The following ADAMTSL1 variants were observed in gnomAD, a reference collection of about 807,000 sequenced individuals.
ADAMTSL1 encodes ADAMTS-like protein 1.
Under a neutral mutation model 201.8 loss-of-function variants are expected in ADAMTSL1, and 126 were observed. The ratio of observed to expected loss-of-function variants is 0.62; its 90% CI spans 0.54 to 0.72. The LOEUF is 0.72. Among genes scored for constraint, ADAMTSL1 ranks in the 30% least tolerant of loss-of-function variants. The pLI, the probability that ADAMTSL1 is intolerant of heterozygous loss-of-function variation, is 0.00. For missense variants in ADAMTSL1, 2,679 were observed against 2,277.8 expected, an observed-to-expected ratio of 1.18 and a Z score of -3.59; for synonymous variants, 1,121 against 903.4, an observed-to-expected ratio of 1.24 and a Z score of -4.32.
chr9:18,008,604 C>T (rs1232833768), intron 1 of ADAMTSL1, among the ~76,000 whole-genome samples: 3 of 151,944 alleles, frequency 2.0e-5, no homozygotes, highest in Admixed American at 2.0e-4. Flanking sequence ...TCATTACAGT[C>T]TACACAGGGA....
At chr9:18,523,212 T>G (rs964310649) in intron 2 of ADAMTSL1, among the ~76,000 whole-genome samples, 2 of 152,272 alleles carry the variant, frequency 1.3e-5, no homozygotes, top group African/African-American at 2.4e-5. Context: ...CATTTTTTCA[T>G]GTGTCTGTTG....
At chr9:18,632,767 G>A (rs1826857718) in intron 5 of ADAMTSL1, among the ~76,000 whole-genome samples, 1 of 152,164 alleles carries the variant, frequency 6.6e-6, no homozygotes, top group Admixed American at 6.6e-5. Flanking sequence ...ATATATAAGA[G>A]AAGGCTGTGG....
At chr9:18,677,276 G>GTCTTT (rs1476539466) in intron 10 of ADAMTSL1, among the ~76,000 whole-genome samples, 2 of 151,674 alleles carry the variant, frequency 1.3e-5, no homozygotes, top group Non-Finnish European at 2.9e-5. Flanking sequence ...TGACTATATT[G>GTCTTT]ATAAAGACAA....
At chr9:17,913,015 T>G (rs571783839) in intron 1 of ADAMTSL1, among the ~76,000 whole-genome samples, 36 of 152,234 alleles carry the variant, frequency 2.4e-4, no homozygotes, top group Non-Finnish European at 4.9e-4. Context: ...GCGTTATTTC[T>G]GAGGGCTCTG....
chr9:18,404,915 A>C (rs1260547214), intron 2 of ADAMTSL1, among the ~76,000 whole-genome samples: 1 of 151,908 alleles, frequency 6.6e-6, no homozygotes, highest in Non-Finnish European at 1.5e-5. Flanking sequence ...ACCCCTCCCC[A>C]GCTTCTTTGG....
At chr9:18,857,685 T>G (rs1276750458) in intron 23 of ADAMTSL1, among the ~76,000 whole-genome samples, 1 of 152,246 alleles carries the variant, frequency 6.6e-6, no homozygotes, top group Non-Finnish European at 1.5e-5. Flanking sequence ...TTGGAATTAA[T>G]ACGTCTTTTG....
At chr9:18,494,095 G>T (rs756026690) in intron 1 of ADAMTSL1, among the ~76,000 whole-genome samples, 1 of 152,120 alleles carries the variant, frequency 6.6e-6, no homozygotes, top group South Asian at 2.1e-4. Flanking sequence ...GGTGGCTCAC[G>T]CCTGTAATCC....
intron 20 of ADAMTSL1, among the ~76,000 whole-genome samples, chr9:18,796,221 A>G (rs1222399466): frequency 2.0e-5 from 3 of 152,182 alleles, no homozygotes; most frequent in Non-Finnish European, 1.5e-5. Context: ...GAGAACTTAG[A>G]TACCAGCTGG....
chr9:18,126,708 G>C (rs984644469), intron 1 of ADAMTSL1, among the ~76,000 whole-genome samples: 1 of 152,094 alleles, frequency 6.6e-6, no homozygotes, highest in Non-Finnish European at 1.5e-5. Flanking sequence ...CGGAGATGGA[G>C]GCAGACAGGT....
chr9:18,509,892 A>T (rs542310123), intron 2 of ADAMTSL1, among the ~76,000 whole-genome samples: 8 of 152,330 alleles, frequency 5.3e-5, no homozygotes, highest in African/African-American at 1.9e-4. Flanking sequence ...GGGATAATGA[A>T]CTTCATGGGT....
chr9:18,795,124 T>C (rs1396854558), intron 19 of ADAMTSL1, among the ~76,000 whole-genome samples: 2 of 152,232 alleles, frequency 1.3e-5, no homozygotes, highest in South Asian at 4.1e-4. Flanking sequence ...GGTGCACATA[T>C]GTTGTCTGGT....
chr9:18,830,652 C>T (rs1199258305), intron 23 of ADAMTSL1, among the ~76,000 whole-genome samples: 2 of 151,776 alleles, frequency 1.3e-5, no homozygotes, highest in African/African-American at 4.8e-5. Context: ...ATGAAGATGC[C>T]GGAAAAACCT....
intron 1 of ADAMTSL1, among the ~76,000 whole-genome samples, chr9:18,058,092 G>A (rs1362251950): frequency 1.3e-5 from 2 of 152,268 alleles, no homozygotes; most frequent in African/African-American, 2.4e-5. Context: ...TAGCCAGATA[G>A]GTAAAGGAGT....
intron 2 of ADAMTSL1, among the ~76,000 whole-genome samples, chr9:18,369,674 T>C (rs542943742): frequency 6.6e-6 from 1 of 152,310 alleles, no homozygotes; most frequent in African/African-American, 2.4e-5. Context: ...AGATACAATA[T>C]TGTATCAAAA....
chr9:17,998,346 A>G (rs1273413571), intron 1 of ADAMTSL1, among the ~76,000 whole-genome samples: 2 of 152,018 alleles, frequency 1.3e-5, no homozygotes, highest in East Asian at 1.9e-4. Context: ...GTAAAAGGAG[A>G]TAAAGGGGGT....
intron 2 of ADAMTSL1, among the ~76,000 whole-genome samples, chr9:18,320,738 G>C (rs1388373093): frequency 6.6e-6 from 1 of 152,092 alleles, no homozygotes; most frequent in Non-Finnish European, 1.5e-5. Flanking sequence ...GAATTATGCT[G>C]TTGCAAAGTA....
chr9:18,814,659 C>T (rs1038739861), intron 20 of ADAMTSL1, among the ~76,000 whole-genome samples: 2 of 152,152 alleles, frequency 1.3e-5, no homozygotes, highest in African/African-American at 2.4e-5. Context: ...TGCATGTTCT[C>T]ACCTATAACT....
At chr9:18,733,783 C>CTTA (rs1353156859) in intron 15 of ADAMTSL1, among the ~76,000 whole-genome samples, 5 of 151,772 alleles carry the variant, frequency 3.3e-5, no homozygotes, top group Non-Finnish European at 7.4e-5. Context: ...CCCCTGAAGA[C>CTTA]TTATTCTCAG....
At chr9:17,918,728 C>G (rs1210506839) in intron 1 of ADAMTSL1, among the ~76,000 whole-genome samples, 2 of 151,780 alleles carry the variant, frequency 1.3e-5, no homozygotes, top group African/African-American at 4.8e-5. Context: ...CATACACTTA[C>G]TGATTTTTCT....
Sources: gnomAD v4.1 joint callset for allele counts (sites outside exome capture counted in the v4.1 genomes callset) on GRCh38, gnomAD v4.1.1 for gene constraint, MANE v1.5 for transcripts, NCBI Gene and HGNC (gene_info 2026-07-23, HGNC 2026-07-21) for gene names.